NUAK1: variants seen among roughly 807,000 people sequenced by gnomAD.
NUAK1 encodes the protein NUAK family kinase 1.
A neutral mutation model predicts 56.9 loss-of-function variants in NUAK1; 26 were observed. That is an observed-to-expected ratio of 0.46 (90% confidence interval 0.33 to 0.63). NUAK1 has a LOEUF of 0.63. Among genes scored for constraint, NUAK1 ranks in the 30% least tolerant of loss-of-function variants. NUAK1 has a pLI of 0.02. For synonymous variants in NUAK1, 337 were observed against 336.0 expected, an observed-to-expected ratio of 1.00 and a Z score of -0.03; for missense variants, 727 against 876.1, an observed-to-expected ratio of 0.83 and a Z score of 2.15.
intron 1 of NUAK1, among the ~76,000 whole-genome samples, chr12:106,116,836 C>T (rs2032921716): frequency 6.6e-6 from 1 of 152,218 alleles, no homozygotes; most frequent in Non-Finnish European, 1.5e-5. Flanking sequence ...ATCTATCAAT[C>T]AGTGTTCCTG....
chr12:106,066,916 G>C lies in NUAK1; in HGVS notation c.1872C>G (p.Tyr624Ter). The change falls in exon 7 of 7, where the codon TAC becomes TAG. Residue 624 changes from tyrosine to a stop codon, truncating the protein, a stop_gained. Transcript: ENST00000261402. LOFTEE classifies it high-confidence loss of function. ...CCAGCCGGTTCCGGTACCGCTTCAG[G>C]TACTGGGGCCGGGGCCGGTTCTGGA... ...EGLQNRPRPQYLKRYRNRLAD... is the reference protein window; with the variant it reads ...EGLQNRPRPQ 6.2e-7 allele frequency: 1 copy of C among 1,614,132 alleles called. No individual in the cohort carries two copies. The highest frequency in any genetic ancestry group is 8.5e-7 in the Non-Finnish European group (1 of 1,180,004).
chr12:106,089,500 T>A (rs181531543), intron 2 of NUAK1, among the ~76,000 whole-genome samples: 2 of 152,304 alleles, frequency 1.3e-5, no homozygotes, highest in Non-Finnish European at 2.9e-5. Flanking sequence ...CTACAATATA[T>A]CCCGAGTCTG....
At chr12:106,129,684 C>A (rs1240389052) in intron 1 of NUAK1, among the ~76,000 whole-genome samples, 2 of 152,208 alleles carry the variant, frequency 1.3e-5, no homozygotes, top group East Asian at 3.8e-4. Context: ...CTGGGTACTC[C>A]ACCCTAGTAC....
At chr12:106,104,067 CT>C (rs67587816) in intron 2 of NUAK1, 661 of 143,318 alleles carry the variant, frequency 4.6e-3, no homozygotes, top group South Asian at 0.021. Context: ...TGTATTGCTT[CT>C]TTTTTTTTTT....
chr12:106,076,242 AG>A (rs1351785819), intron 4 of NUAK1, among the ~76,000 whole-genome samples: 1 of 152,252 alleles, frequency 6.6e-6, no homozygotes, highest in Non-Finnish European at 1.5e-5. Flanking sequence ...TGAAGGTTCC[AG>A]GGCATAAGAA....
intron 4 of NUAK1, among the ~76,000 whole-genome samples, chr12:106,082,127 A>G (rs1026671058): frequency 6.6e-6 from 1 of 152,226 alleles, no homozygotes; most frequent in Non-Finnish European, 1.5e-5. Flanking sequence ...CACGTTTATT[A>G]TTGACTCTCC....
At chr12:106,124,457 TG>T (rs555731931) in intron 1 of NUAK1, among the ~76,000 whole-genome samples, 82 of 152,324 alleles carry the variant, frequency 5.4e-4, no homozygotes, top group African/African-American at 2.0e-3. Context: ...TCTAGGCACT[TG>T]GGGTACATCA....
At chr12:106,082,796 C>G (rs1047935765) in intron 4 of NUAK1, among the ~76,000 whole-genome samples, 2 of 152,144 alleles carry the variant, frequency 1.3e-5, no homozygotes, top group African/African-American at 4.8e-5. Context: ...GCAACTCCAT[C>G]CTTCCAAGCA....
chr12:106,125,223 G>A (rs1174313464), intron 1 of NUAK1, among the ~76,000 whole-genome samples: 1 of 152,116 alleles, frequency 6.6e-6, no homozygotes, highest in African/African-American at 2.4e-5. Context: ...ACAGCCATTT[G>A]ACAAATATTT....
At chr12:106,118,669 G>A (rs2032944236) in intron 1 of NUAK1, among the ~76,000 whole-genome samples, 1 of 152,212 alleles carries the variant, frequency 6.6e-6, no homozygotes, top group Admixed American at 6.5e-5. Flanking sequence ...AAACATCCCT[G>A]CGGAACCCCG....
At chr12:106,074,344 T>C (rs1397615513) in intron 4 of NUAK1, among the ~76,000 whole-genome samples, 1 of 152,208 alleles carries the variant, frequency 6.6e-6, no homozygotes, top group Non-Finnish European at 1.5e-5. Flanking sequence ...AACAAAAACC[T>C]GGTTTACACA....
At chr12:106,081,040 T>G (rs916303193) in intron 4 of NUAK1, among the ~76,000 whole-genome samples, 4 of 152,252 alleles carry the variant, frequency 2.6e-5, no homozygotes, top group African/African-American at 9.6e-5. Context: ...CACATTTTTT[T>G]AAAACCTTGG....
At chr12:106,103,601 T>C (rs2032770004) in intron 2 of NUAK1, among the ~76,000 whole-genome samples, 1 of 152,178 alleles carries the variant, frequency 6.6e-6, no homozygotes, top group Non-Finnish European at 1.5e-5. Flanking sequence ...CCATGAAAAC[T>C]TCCAATCCCC....
intron 3 of NUAK1, among the ~76,000 whole-genome samples, chr12:106,085,634 G>T (rs2032563126): frequency 6.6e-6 from 1 of 152,186 alleles, no homozygotes; most frequent in Non-Finnish European, 1.5e-5. Flanking sequence ...CTGAGACATG[G>T]CTTGTAGTTA....
At chr12:106,073,635 T>A (rs1457330024) in intron 4 of NUAK1, among the ~76,000 whole-genome samples, 3 of 151,910 alleles carry the variant, frequency 2.0e-5, no homozygotes, top group Non-Finnish European at 4.4e-5. Context: ...CTGGCCAACA[T>A]GGAAAAACCC....
intron 2 of NUAK1, among the ~76,000 whole-genome samples, chr12:106,089,482 T>C (rs2032612529): frequency 6.6e-6 from 1 of 152,160 alleles, no homozygotes. Context: ...GTCCTACTGA[T>C]CCTGTCTCTA....
At chr12:106,121,047 G>A (rs2032968882) in intron 1 of NUAK1, among the ~76,000 whole-genome samples, 1 of 152,166 alleles carries the variant, frequency 6.6e-6, no homozygotes, top group Non-Finnish European at 1.5e-5. Context: ...GTAAAGTCCA[G>A]ACATCAGTGT....
At chr12:106,128,851 C>A (rs548334809) in intron 1 of NUAK1, among the ~76,000 whole-genome samples, 3 of 152,288 alleles carry the variant, frequency 2.0e-5, no homozygotes, top group East Asian at 1.9e-4. Context: ...AAGTGGAATT[C>A]TTTTCTCAAA....
chr12:106,082,802 A>G (rs2032530447), intron 4 of NUAK1, among the ~76,000 whole-genome samples: 1 of 152,140 alleles, frequency 6.6e-6, no homozygotes, highest in African/African-American at 2.4e-5. Context: ...CCATCCTTCC[A>G]AGCAAGGAAA....
Sources: allele counts gnomAD v4.1 joint callset (sites outside exome capture counted in the v4.1 genomes callset), GRCh38; gene constraint gnomAD v4.1.1; transcripts MANE v1.5; gene names NCBI Gene and HGNC (gene_info 2026-07-23, HGNC 2026-07-21).